The following OR1J2 variants were observed in gnomAD, a reference collection of about 807,000 sequenced individuals.
OR1J2 encodes the protein olfactory receptor 1J2.
For synonymous variants in OR1J2, 142 were observed against 99.7 expected (o/e 1.42, Z -2.52); for missense variants, 304 against 246.1 (o/e 1.24, Z -1.57).
At chr9:122,552,747 T>TGA in the OR1J2 span, among the ~76,000 whole-genome samples, 17 of 127,748 alleles carry the variant, frequency 1.3e-4, no homozygotes, top group African/African-American at 2.4e-4. Flanking sequence ...AAAGAGGGCT[T>TGA]GAGTGTGTGT....
the OR1J2 span, chr9:122,554,140 G>A: frequency 1.2e-6 from 2 of 1,611,428 alleles, no homozygotes; most frequent in Admixed American, 3.4e-5. Context: ...CTTTTTGTCA[G>A]TGGAAAAACA....
chr9:122,545,757 C>A, the OR1J2 span, among the ~76,000 whole-genome samples: 1 of 151,988 alleles, frequency 6.6e-6, no homozygotes, highest in African/African-American at 2.4e-5. Flanking sequence ...TATATTCAAC[C>A]AAAATATGTA....
the OR1J2 span, among the ~76,000 whole-genome samples, chr9:122,460,673 A>G: frequency 6.6e-6 from 1 of 152,102 alleles, no homozygotes; most frequent in African/African-American, 2.4e-5. Flanking sequence ...TTTAATGGAA[A>G]TTGCATTGAA....
At chr9:122,481,816 A>G in the OR1J2 span, among the ~76,000 whole-genome samples, 1 of 152,208 alleles carries the variant, frequency 6.6e-6, no homozygotes, top group Non-Finnish European at 1.5e-5. Flanking sequence ...CACATGCAGA[A>G]CAATGAAGCT....
chr9:122,457,239 G>A, the OR1J2 span, among the ~76,000 whole-genome samples: 1 of 152,100 alleles, frequency 6.6e-6, no homozygotes, highest in Non-Finnish European at 1.5e-5. Flanking sequence ...GGGGAAGGGA[G>A]AGCATCAAGA....
downstream of OR1J2, among the ~76,000 whole-genome samples, chr9:122,516,662 CA>C (rs2119388105): frequency 6.6e-6 from 1 of 152,216 alleles, no homozygotes; most frequent in African/African-American, 2.4e-5. Flanking sequence ...GAATTGGATT[CA>C]GGGGGCTTTA....
the OR1J2 span, among the ~76,000 whole-genome samples, chr9:122,484,065 A>G: frequency 6.6e-6 from 1 of 152,158 alleles, no homozygotes; most frequent in East Asian, 1.9e-4. Context: ...TTAGGAGCCC[A>G]TTGTGCCTTC....
chr9:122,531,746 A>T, the OR1J2 span, among the ~76,000 whole-genome samples: 2 of 152,112 alleles, frequency 1.3e-5, no homozygotes, highest in East Asian at 3.8e-4. Flanking sequence ...AGCCTGAAAA[A>T]CTGCTTGGCT....
chr9:122,466,655 G>A, the OR1J2 span, among the ~76,000 whole-genome samples: 2 of 152,160 alleles, frequency 1.3e-5, no homozygotes, highest in Admixed American at 6.5e-5. Context: ...CCAGATGGCT[G>A]GAAGAGAGAT....
chr9:122,549,292 A>G, the OR1J2 span, among the ~76,000 whole-genome samples: 1 of 152,078 alleles, frequency 6.6e-6, no homozygotes, highest in African/African-American at 2.4e-5. Context: ...TTCCACCATG[A>G]TTGGAAGCTT....
At chr9:122,460,728 T>G in the OR1J2 span, among the ~76,000 whole-genome samples, 1 of 152,132 alleles carries the variant, frequency 6.6e-6, no homozygotes, top group African/African-American at 2.4e-5. Context: ...ACAATATTGA[T>G]TCTCATGAAC....
chr9:122,526,651 A>C, the OR1J2 span: 1 of 1,614,200 alleles, frequency 6.2e-7, no homozygotes, highest in Non-Finnish European at 8.5e-7. Context: ...TGGATGTAGG[A>C]GGTGACAATG....
chr9:122,556,195 AG>A, the OR1J2 span, among the ~76,000 whole-genome samples: 1 of 151,696 alleles, frequency 6.6e-6, no homozygotes, highest in Admixed American at 6.6e-5. Flanking sequence ...GTCTTTTCAT[AG>A]CTTGATAGTT....
chr9:122,547,616 G>T, the OR1J2 span, among the ~76,000 whole-genome samples: 1 of 128,392 alleles, frequency 7.8e-6, no homozygotes, highest in African/African-American at 3.0e-5. Context: ...CTGAGTAGTA[G>T]TTCAGTGTGT....
the OR1J2 span, among the ~76,000 whole-genome samples, chr9:122,481,320 G>A: frequency 2.4e-3 from 362 of 152,196 alleles, 1 homozygote; most frequent in Non-Finnish European, 3.8e-3. Context: ...GATCCCCAAA[G>A]CACACAGGAT....
chr9:122,516,528 T>C (rs577239823), downstream of OR1J2, among the ~76,000 whole-genome samples: 22 of 151,142 alleles, frequency 1.5e-4, no homozygotes, highest in Admixed American at 1.1e-3. Flanking sequence ...TGGTCTCGAT[T>C]TCCTGACCTC....
chr9:122,516,935 G>A, the OR1J2 span, among the ~76,000 whole-genome samples: 4 of 152,180 alleles, frequency 2.6e-5, no homozygotes, highest in Admixed American at 2.6e-4. Flanking sequence ...AACTCTGCCA[G>A]TATCTGCCTG....
At chr9:122,447,657 A>G in the OR1J2 span, 2 of 151,172 alleles carry the variant, frequency 1.3e-5, no homozygotes, top group Non-Finnish European at 3.0e-5. Context: ...ATTCACATGA[A>G]AAAAAAAACA....
the OR1J2 span, among the ~76,000 whole-genome samples, chr9:122,561,928 C>G: frequency 6.6e-6 from 1 of 152,176 alleles, no homozygotes; most frequent in Admixed American, 6.5e-5. Flanking sequence ...TTCCTCAGAA[C>G]TAGCAGTAGG....
Sources: allele counts gnomAD v4.1 joint callset (sites outside exome capture counted in the v4.1 genomes callset), GRCh38; gene constraint gnomAD v4.1.1; transcripts MANE v1.5; gene names NCBI Gene and HGNC (gene_info 2026-07-23, HGNC 2026-07-21).